GPM6A: variants seen among roughly 807,000 people sequenced by gnomAD.
GPM6A encodes glycoprotein M6A.
Under a neutral mutation model 32.1 loss-of-function variants are expected in GPM6A, and 7 were observed. The ratio of observed to expected loss-of-function variants is 0.22; its 90% CI spans 0.12 to 0.41. The LOEUF is 0.41. Among genes scored for constraint, GPM6A ranks in the 10% least tolerant of loss-of-function variants. GPM6A has a pLI of 1.00. For synonymous variants in GPM6A, 130 were observed against 123.4 expected (o/e 1.05, Z -0.35); for missense variants, 235 against 347.2 (o/e 0.68, Z 2.57).
At chr4:175,676,918 T>C (rs1209830262) in intron 2 of GPM6A, among the ~76,000 whole-genome samples, 1 of 152,230 alleles carries the variant, frequency 6.6e-6, no homozygotes, top group Non-Finnish European at 1.5e-5. Flanking sequence ...TCCAGATCTA[T>C]TTAAGTATCT....
chr4:175,969,067 T>C (rs1192829699), intron 1 of GPM6A, among the ~76,000 whole-genome samples: 1 of 152,152 alleles, frequency 6.6e-6, no homozygotes, highest in Admixed American at 6.5e-5. Context: ...TGCAATGTAA[T>C]GTTTTACAAC....
chr4:175,868,404 C>A (rs370909852), intron 1 of GPM6A, among the ~76,000 whole-genome samples: 1 of 152,252 alleles, frequency 6.6e-6, no homozygotes, highest in African/African-American at 2.4e-5. Flanking sequence ...ATGTCATTAA[C>A]TTGTTTTGGA....
At chr4:175,747,110 A>G (rs1732135598) in intron 1 of GPM6A, among the ~76,000 whole-genome samples, 1 of 151,994 alleles carries the variant, frequency 6.6e-6, no homozygotes, top group Non-Finnish European at 1.5e-5. Flanking sequence ...TCTCTACTAA[A>G]AATGCAAAAA....
intron 1 of GPM6A, among the ~76,000 whole-genome samples, chr4:175,817,463 A>T (rs527982102): frequency 2.0e-5 from 3 of 152,232 alleles, no homozygotes; most frequent in Admixed American, 1.3e-4. Flanking sequence ...ACGCTGAATG[A>T]CAAGTGCTAC....
At chr4:175,815,082 C>G (rs1735056659), upstream of GPM6A, among the ~76,000 whole-genome samples, 1 of 152,170 alleles carries the variant, frequency 6.6e-6, no homozygotes, top group Non-Finnish European at 1.5e-5. Context: ...ATGATCTCAG[C>G]TCACTGCAAC....
At chr4:175,681,620 T>C (rs1364765422) in intron 2 of GPM6A, among the ~76,000 whole-genome samples, 1 of 152,012 alleles carries the variant, frequency 6.6e-6, no homozygotes, top group Non-Finnish European at 1.5e-5. Flanking sequence ...CCTGGCTCGG[T>C]GCTAACTTAA....
At chr4:175,879,408 C>T (rs1361001974) in intron 1 of GPM6A, among the ~76,000 whole-genome samples, 1 of 152,164 alleles carries the variant, frequency 6.6e-6, no homozygotes, top group African/African-American at 2.4e-5. Flanking sequence ...ATGTAATTGA[C>T]TCACAGTTCC....
At chr4:175,959,365 T>C (rs1740092814) in intron 1 of GPM6A, among the ~76,000 whole-genome samples, 1 of 152,112 alleles carries the variant, frequency 6.6e-6, no homozygotes, top group African/African-American at 2.4e-5. Context: ...ACATGATCCT[T>C]GCATGCTTGC....
intron 1 of GPM6A, among the ~76,000 whole-genome samples, chr4:175,719,480 A>C (rs187946077): frequency 3.6e-4 from 55 of 152,292 alleles, no homozygotes; most frequent in African/African-American, 1.3e-3. Flanking sequence ...TTCCTACATC[A>C]AAATGTTATT....
At chr4:175,689,544 A>G (rs1328982875) in intron 2 of GPM6A, among the ~76,000 whole-genome samples, 1 of 151,800 alleles carries the variant, frequency 6.6e-6, no homozygotes, top group East Asian at 1.9e-4. Context: ...AGCTGATGTG[A>G]TATTTCCTGG....
At chr4:175,800,423 A>G (rs570506796) in intron 1 of GPM6A, among the ~76,000 whole-genome samples, 39 of 152,218 alleles carry the variant, frequency 2.6e-4, no homozygotes, top group African/African-American at 8.7e-4. Context: ...CAAAGAAAAG[A>G]CCCTCCAACC....
intron 1 of GPM6A, among the ~76,000 whole-genome samples, chr4:175,860,161 G>A (rs1736531435): frequency 6.6e-6 from 1 of 151,384 alleles, no homozygotes; most frequent in South Asian, 2.1e-4. Flanking sequence ...AGCCAATTAA[G>A]CCCAACACAA....
At chr4:175,761,413 T>C (rs975748018) in intron 1 of GPM6A, among the ~76,000 whole-genome samples, 1 of 152,134 alleles carries the variant, frequency 6.6e-6, no homozygotes, top group Non-Finnish European at 1.5e-5. Context: ...TTCTAATCGC[T>C]ACACTGCTGC....
In GPM6A at chr4:175,787,603, C is replaced by T. The variant is rs75616682; in HGVS notation, c.37+24588G>A. The stretch of plus-strand genomic sequence containing the variant: ...TACAGATTTCTAATTCAGCTTTTTT[C>T]CCCAAATCACAACCCATGTATCTAA... On this transcript the variant is annotated intron_variant, in intron 1 of 6. Transcript: ENST00000393658. The T allele has an allele frequency of 1.5e-3, 1,984 of 1,340,964 alleles. 67 individuals are homozygous for T. In the East Asian group the frequency reaches 0.047, roughly 32 times the overall value. The allele number at this position is 1,340,964 out of a possible 1,614,324, so 83.1% of individuals were successfully genotyped here. A position where few individuals can be genotyped will look rare whatever the true frequency, so the allele number is the denominator to read the frequency against.
intron 1 of GPM6A, among the ~76,000 whole-genome samples, chr4:175,894,286 C>T (rs1258201339): frequency 6.6e-6 from 1 of 151,960 alleles, no homozygotes; most frequent in Non-Finnish European, 1.5e-5. Flanking sequence ...ATTAAGTGTT[C>T]TCAGCAACTA....
rs528154409 is a variant in GPM6A, at chr4:175,903,309, A to G, written c.-22-91060T>C. Among the ~76,000 whole-genome samples, 3 of 152,292 alleles carry G rather than the reference A, an allele frequency of 2.0e-5. No individual in the cohort carries two copies. The South Asian group carries it at 6.2e-4, about 32-fold the overall frequency. Reference sequence around the variant, plus strand: ...TGAAAAAAAAAGAATCAATGAGTAAATTAATAGATAAATAAATAGAAAAAG... The same window carrying G: ...TGAAAAAAAAAGAATCAATGAGTAAGTTAATAGATAAATAAATAGAAAAAG... On this transcript the variant is annotated intron_variant, in intron 1 of 7. Coordinates refer to the GPM6A transcript ENST00000280187.
At chr4:175,675,688 C>T (rs1276316117) in intron 2 of GPM6A, among the ~76,000 whole-genome samples, 1 of 152,056 alleles carries the variant, frequency 6.6e-6, no homozygotes, top group Non-Finnish European at 1.5e-5. Context: ...CTCCCTCTGT[C>T]ACCCTGACTG....
At chr4:175,737,491 G>GAA (rs11445251) in intron 1 of GPM6A, among the ~76,000 whole-genome samples, 30 of 150,926 alleles carry the variant, frequency 2.0e-4, no homozygotes, top group African/African-American at 6.8e-4. Context: ...TGGGTGACAA[G>GAA]AAAAAAAAAT....
At chr4:175,913,444 A>T (rs933652444) in intron 1 of GPM6A, among the ~76,000 whole-genome samples, 42 of 152,184 alleles carry the variant, frequency 2.8e-4, no homozygotes, top group African/African-American at 9.4e-4. Context: ...ATCCTTTAAG[A>T]TGTAAACAGA....
Sources: allele counts gnomAD v4.1 joint callset (sites outside exome capture counted in the v4.1 genomes callset), GRCh38; gene constraint gnomAD v4.1.1; transcripts MANE v1.5; gene names NCBI Gene and HGNC (gene_info 2026-07-23, HGNC 2026-07-21).